PIWIL1: variants seen among roughly 807,000 people sequenced by gnomAD.
PIWIL1 encodes the protein piwi like RNA-mediated gene silencing 1, also known as piwi-like protein 1.
PIWIL1 carries 73 observed loss-of-function variants against 114.4 expected under a neutral mutation model. The ratio of observed to expected loss-of-function variants is 0.64; its 90% CI spans 0.53 to 0.78. PIWIL1 has a LOEUF of 0.78. PIWIL1 is among the 30% of genes least tolerant of loss of function. The probability of loss-of-function intolerance (pLI) is 0.00; values close to 1 mark genes in which losing one functional copy is unlikely to be tolerated. For synonymous variants in PIWIL1, 375 were observed against 369.0 expected (o/e 1.02, Z -0.19); for missense variants, 723 against 1,063.1 (o/e 0.68, Z 4.45).
chr12:130,361,847 T>C (rs1051895906), intron 16 of PIWIL1, among the ~76,000 whole-genome samples: 3 of 152,220 alleles, frequency 2.0e-5, no homozygotes, highest in Admixed American at 1.3e-4. Context: ...TAAATGTGAC[T>C]CTCTCTAAAA....
chr12:130,367,843 G>A (rs1293665752), intron 19 of PIWIL1, among the ~76,000 whole-genome samples: 3 of 152,196 alleles, frequency 2.0e-5, no homozygotes, highest in Non-Finnish European at 4.4e-5. Flanking sequence ...TGTTCCCCAG[G>A]CTGGAGTGCA....
the PIWIL1 span, among the ~76,000 whole-genome samples, chr12:130,423,627 A>G: frequency 1.4e-5 from 2 of 146,834 alleles, no homozygotes; most frequent in Non-Finnish European, 3.0e-5. Context: ...AAGAAATGGG[A>G]AAAAAACAAG....
chr12:130,360,425 G>A (rs972496825), intron 14 of PIWIL1, among the ~76,000 whole-genome samples: 1 of 152,098 alleles, frequency 6.6e-6, no homozygotes, highest in Admixed American at 6.5e-5. Flanking sequence ...CACAAGTCAG[G>A]AGATTGAGAA....
In PIWIL1 at chr12:130,363,556, T is replaced by C. The variant is rs1233671837; in HGVS notation, c.2195+412T>C. On this transcript the variant is annotated intron_variant, in intron 18 of 20. Transcript: ENST00000245255. The stretch of plus-strand genomic sequence containing the variant: ...GTGGACTTGACTAGTGTTTGATCAG[T>C]AAGGTGATTTGGCGAGCATCTAGTC... Among the ~76,000 whole-genome samples, 4 of 151,274 alleles carry C rather than the reference T, an allele frequency of 2.6e-5. No homozygotes were observed. In the East Asian group the frequency reaches 7.8e-4, roughly 29 times the overall value.
intron 18 of PIWIL1, 133 bp downstream of exon 18, chr12:130,363,277 G>A: frequency 2.3e-6 from 2 of 871,370 alleles, no homozygotes; most frequent in Non-Finnish European, 3.6e-6. Flanking sequence ...GAGGTGATGG[G>A]AAGGGCAGAG....
intron 1 of PIWIL1, 107 bp from the exon 2 acceptor site, chr12:130,342,473 T>G (rs536743449): frequency 1.5e-6 from 1 of 685,342 alleles, no homozygotes; most frequent in Admixed American, 2.4e-5. Context: ...AATAATTGCC[T>G]GGGGAGCTTA....
chr12:130,408,597 A>G, the PIWIL1 span, among the ~76,000 whole-genome samples: 11 of 152,182 alleles, frequency 7.2e-5, no homozygotes, highest in East Asian at 1.9e-4. Flanking sequence ...CTCCACACAG[A>G]TAACAGGTGA....
intron 14 of PIWIL1, among the ~76,000 whole-genome samples, chr12:130,358,128 GTGAGTGA>G (rs773715275): frequency 6.6e-6 from 1 of 152,206 alleles, no homozygotes; most frequent in Non-Finnish European, 1.5e-5. Context: ...ATCCAGGTGA[GTGAGTGA>G]TGACTCAGGA....
At position 130,346,517 on chromosome 12, in the gene PIWIL1, A is replaced by G. The variant is rs1207503685; in HGVS notation, c.464A>G (p.Asp155Gly). 1 of 1,614,054 alleles carries G rather than the reference A, an allele frequency of 6.2e-7. No individual in the cohort carries two copies. The highest frequency in any genetic ancestry group is 8.5e-7 in the Non-Finnish European group (1 of 1,180,006). ...LRSALLFQHEDLIGKCHAFDG... is the reference protein window; with the variant it reads ...LRSALLFQHEGLIGKCHAFDG... Reference sequence around the variant, plus strand: ...TCAGCTCTTCTTTTTCAACACGAAGATCTAATTGGAAAGTGTCATGCTTTT... The same window carrying G: ...TCAGCTCTTCTTTTTCAACACGAAGGTCTAATTGGAAAGTGTCATGCTTTT... The change falls in exon 5 of 21, where the codon GAT becomes GGT. Residue 155 changes from aspartate to glycine, a missense_variant. Around this residue, in one of 8 missense-constraint regions of PIWIL1, gnomAD observed 190 missense variants for 294.4 expected, o/e 0.65. Coordinates refer to ENST00000245255, the MANE Select transcript of PIWIL1 (RefSeq NM_004764.5).
chr12:130,371,848 G>A lies in PIWIL1; in HGVS notation c.*250G>A. 1 of 262,436 alleles carries A rather than the reference G, an allele frequency of 3.8e-6. No individual in the cohort carries two copies. Among genetic ancestry groups the A allele is most frequent in the East Asian group, 8.5e-5 (1 of 11,746 alleles). 16.3% of individuals were successfully genotyped at this position (262,436 alleles called of 1,614,324 possible). A position where few individuals can be genotyped will look rare whatever the true frequency, so the allele number is the denominator to read the frequency against. The stretch of plus-strand genomic sequence containing the variant: ...TGAGCATTTTTTTGTTTATTTTGAA[G>A]AAATGTGGATAAGATACTTGGTAGT... On this transcript the variant is annotated 3_prime_UTR_variant, in exon 21 of 21. Coordinates refer to ENST00000245255, the MANE Select transcript of PIWIL1 (RefSeq NM_004764.5).
chr12:130,421,691 ATGTGTGTGTGTGTG>A, the PIWIL1 span, among the ~76,000 whole-genome samples: 17 of 147,296 alleles, frequency 1.2e-4, no homozygotes, highest in Non-Finnish European at 1.9e-4. Context: ...CTGCATTTAT[ATGTGTGTGTGTGTG>A]TGTGTGTGTG....
intron 13 of PIWIL1, 94 bp downstream of exon 13, chr12:130,357,199 T>G: frequency 9.6e-7 from 1 of 1,037,216 alleles, no homozygotes; most frequent in Non-Finnish European, 1.4e-6. Flanking sequence ...TTATCTTAAT[T>G]GAAAGGTTTG....
At chr12:130,396,168 T>C in the PIWIL1 span, 1 of 152,624 alleles carries the variant, frequency 6.6e-6, no homozygotes, top group Non-Finnish European at 1.5e-5. Context: ...CTAGAAAATA[T>C]TTTACACTAA....
At chr12:130,356,507 G>C (rs2073369362) in intron 12 of PIWIL1, among the ~76,000 whole-genome samples, 1 of 148,350 alleles carries the variant, frequency 6.7e-6, no homozygotes, top group African/African-American at 2.7e-5. Flanking sequence ...CTGTCTTGCT[G>C]TCAGATGTTT....
chr12:130,375,510 C>A (rs772919883), downstream of PIWIL1, among the ~76,000 whole-genome samples: 3 of 152,214 alleles, frequency 2.0e-5, no homozygotes, highest in Non-Finnish European at 4.4e-5. Context: ...GCTCTGCAGC[C>A]CGGTGTTGTG....
At chr12:130,404,727 C>G in the PIWIL1 span, among the ~76,000 whole-genome samples, 919 of 152,224 alleles carry the variant, frequency 6.0e-3, 7 homozygotes, top group African/African-American at 0.021. Flanking sequence ...AATATTATGT[C>G]TATTTCTTCC....
At chr12:130,407,146 G>T in the PIWIL1 span, among the ~76,000 whole-genome samples, 1 of 152,232 alleles carries the variant, frequency 6.6e-6, no homozygotes, top group African/African-American at 2.4e-5. Flanking sequence ...AGGGAATATA[G>T]TTGGTGAGCC....
the PIWIL1 span, among the ~76,000 whole-genome samples, chr12:130,404,546 C>A: frequency 6.6e-6 from 1 of 152,172 alleles, no homozygotes; most frequent in African/African-American, 2.4e-5. Flanking sequence ...GTGATCAGCA[C>A]GCCTCAGCCT....
chr12:130,418,555 C>T, the PIWIL1 span, among the ~76,000 whole-genome samples: 12,779 of 152,076 alleles, frequency 0.084, 735 homozygotes, highest in South Asian at 0.2. Flanking sequence ...GTTCCAGGTA[C>T]GGAAAAATGC....
Sources: allele counts gnomAD v4.1 joint callset (sites outside exome capture counted in the v4.1 genomes callset), GRCh38; gene constraint gnomAD v4.1.1; regional missense constraint gnomAD v4.1.1; transcripts MANE v1.5; gene names NCBI Gene and HGNC (gene_info 2026-07-23, HGNC 2026-07-21).